The following TAC4 variants were observed in gnomAD, a reference collection of about 807,000 sequenced individuals.
TAC4 encodes tachykinin precursor 4.
In TAC4, 17 loss-of-function variants were observed where a neutral mutation model predicts 17.7. That is an observed-to-expected ratio of 0.96 (90% CI 0.66 to 1.44). TAC4 has a LOEUF of 1.44. Among genes scored for constraint, TAC4 ranks in the 40% most tolerant of loss-of-function variants. The pLI is 0.00. For missense variants in TAC4, 118 were observed against 125.6 expected (o/e 0.94, Z 0.29); for synonymous variants, 62 against 52.4 (o/e 1.18, Z -0.79).
intron 2 of TAC4, 144 bp downstream of exon 2, chr17:49,843,920 T>A (rs2074516543): frequency 7.0e-6 from 5 of 709,648 alleles, no homozygotes; most frequent in Non-Finnish European, 1.3e-5. Flanking sequence ...ATGGACAGTC[T>A]GTGCCACCCC....
intron 4 of TAC4, among the ~76,000 whole-genome samples, chr17:49,838,994 T>A (rs144563837): frequency 4.8e-4 from 73 of 152,298 alleles, no homozygotes; most frequent in African/African-American, 1.6e-3. Flanking sequence ...GGCTCTGTTA[T>A]CGGCTCACTG....
Position 49,848,020 on chromosome 17 carries a change from T to C in TAC4, c.-3A>G. On this transcript the variant is annotated 5_prime_UTR_variant, in exon 1 of 5. Transcript: ENST00000436235. ...AGCAGGGCGAGGCAAGGCAGCATGGTGAGCCTGCACTGTCCTGGAATCTCT... is the reference window on the plus strand; with the variant it reads ...AGCAGGGCGAGGCAAGGCAGCATGGCGAGCCTGCACTGTCCTGGAATCTCT... 6.2e-7 allele frequency: 1 copy of C among 1,614,024 alleles called. No homozygotes were observed. The highest frequency in any genetic ancestry group is 1.7e-5 in the Admixed American group (1 of 60,020).
chr17:49,846,916 C>T, intron 1 of TAC4: 3 of 1,266,246 alleles, frequency 2.4e-6, no homozygotes, highest in Non-Finnish European at 3.1e-6. Context: ...GGTCACTTCC[C>T]TCCTCCGTTT....
intron 4 of TAC4, among the ~76,000 whole-genome samples, 195 bp downstream of exon 4, chr17:49,839,655 G>A (rs971681265): frequency 1.6e-4 from 24 of 152,224 alleles, no homozygotes; most frequent in South Asian, 4.1e-4. Flanking sequence ...TGGGGAGGGT[G>A]CAGCTTCTGG....
intron 3 of TAC4, 69 bp from the exon 4 acceptor site, chr17:49,839,978 AGG>A: frequency 1.3e-6 from 2 of 1,504,692 alleles, no homozygotes; most frequent in East Asian, 4.5e-5. Flanking sequence ...GAACCAGGGA[AGG>A]ACAAAGGACA....
intron 1 of TAC4, chr17:49,847,102 C>T (rs532695191): frequency 2.2e-5 from 29 of 1,289,902 alleles, no homozygotes; most frequent in East Asian, 5.5e-5. Flanking sequence ...TAAGCGCCTC[C>T]GAGGACCTCA....
rs745877799 is a variant in TAC4, at chr17:49,841,551, C to G, written c.232+1G>C. 3 of 1,582,918 alleles carry G rather than the reference C, an allele frequency of 1.9e-6. No individual in the cohort carries two copies. Among genetic ancestry groups the G allele is most frequent in the Non-Finnish European group, 2.6e-6 (3 of 1,165,484 alleles). ...TGAAGGCAGGTTTGGGCAATACTTA[C>G]CTTTTTTTCTCCTTGGCTGGATCAG... On this transcript the variant is annotated splice_donor_variant, in intron 3 of 4. Transcript: ENST00000436235. LOFTEE classifies it high-confidence loss of function.
At chr17:49,844,438 C>A (rs1446638186) in intron 1 of TAC4, among the ~76,000 whole-genome samples, 1 of 151,924 alleles carries the variant, frequency 6.6e-6, no homozygotes, top group Non-Finnish European at 1.5e-5. Flanking sequence ...TGTCATTTTA[C>A]ACATGAAAAC....
chr17:49,847,190 T>C lies in TAC4; in HGVS notation c.105+723A>G, dbSNP rs1490654529. On this transcript the variant is annotated intron_variant, in intron 1 of 4. Transcript: ENST00000436235. ...GAATGGGAGGAGTCAGGCCCAGCCTTGTCCTGTCTGCCCCCCTGGAAGCCT... is the reference window on the plus strand; with the variant it reads ...GAATGGGAGGAGTCAGGCCCAGCCTCGTCCTGTCTGCCCCCCTGGAAGCCT... The C allele has an allele frequency of 2.3e-6, 3 of 1,290,164 alleles. No homozygotes were observed. The South Asian group carries it at 3.7e-5, about 16-fold the overall frequency. The allele number at this position is 1,290,164 out of a possible 1,614,324, so 79.9% of individuals were successfully genotyped here.
At position 49,838,938 on chromosome 17, in the gene TAC4, A is replaced by G. The variant is rs560940519; in HGVS notation, c.293-265T>C. 3.9e-5 allele frequency among the ~76,000 whole-genome samples: 6 copies of G among 152,216 alleles called. No individual in the cohort carries two copies. The South Asian group carries it at 8.3e-4, about 21-fold the overall frequency. ...AAGGCTATCCAAGAGTCCTGGGAAC[A>G]TGGCGGGTGACATGGACTAGGAAGC... On this transcript the variant is annotated intron_variant, in intron 4 of 4. Transcript: ENST00000436235.
chr17:49,843,987 A>T, intron 2 of TAC4, 77 bp downstream of exon 2: 1 of 1,389,098 alleles, frequency 7.2e-7, no homozygotes, highest in Non-Finnish European at 1.0e-6. Flanking sequence ...CTGGGCTTTG[A>T]CTTAGGGCCT....
At chr17:49,847,326 A>G in intron 1 of TAC4, 1 of 1,185,360 alleles carries the variant, frequency 8.4e-7, no homozygotes, top group Non-Finnish European at 1.1e-6. Context: ...CCCCAATCAG[A>G]TTGTCAGGCA....
intron 2 of TAC4, among the ~76,000 whole-genome samples, chr17:49,842,666 C>T (rs1281958050): frequency 6.6e-6 from 1 of 152,028 alleles, no homozygotes; most frequent in African/African-American, 2.4e-5. Flanking sequence ...CAAAAGCAGT[C>T]CTTGAATACA....
chr17:49,845,988 T>A (rs2074535341), intron 1 of TAC4: 1 of 239,940 alleles, frequency 4.2e-6, no homozygotes, highest in Non-Finnish European at 8.3e-6. Flanking sequence ...GAAAAGCTCA[T>A]GAAAACCACT....
At chr17:49,842,252 C>T (rs566137018) in intron 2 of TAC4, among the ~76,000 whole-genome samples, 32 of 151,878 alleles carry the variant, frequency 2.1e-4, no homozygotes, top group African/African-American at 6.0e-4. Context: ...TGAAATGGGC[C>T]GGGCGCGTTG....
At chr17:49,838,737 A>G (rs1364860832) in intron 4 of TAC4, 64 bp from the exon 5 acceptor site, 5 of 1,565,518 alleles carry the variant, frequency 3.2e-6, no homozygotes, top group Non-Finnish European at 3.5e-6. Flanking sequence ...CTCCACCCTT[A>G]GAAGTCTTCC....
chr17:49,839,732 T>C (rs2074482673), intron 4 of TAC4, 118 bp downstream of exon 4: 2 of 941,140 alleles, frequency 2.1e-6, no homozygotes, highest in East Asian at 5.4e-5. Context: ...GGCCTCCCCA[T>C]GATGGCTTGT....
chr17:49,847,680 C>G (rs1442609859), intron 1 of TAC4: 12 of 521,464 alleles, frequency 2.3e-5, no homozygotes, highest in South Asian at 4.1e-5. Flanking sequence ...TACACACACA[C>G]ACACACACAC....
intron 1 of TAC4, 120 bp downstream of exon 1, chr17:49,847,793 G>A (rs139106299): frequency 1.3e-6 from 2 of 1,562,224 alleles, no homozygotes; most frequent in East Asian, 4.5e-5. Context: ...CAGACAACTT[G>A]CCTTGCAGAC....
Sources: gnomAD v4.1 joint callset for allele counts (sites outside exome capture counted in the v4.1 genomes callset) on GRCh38, gnomAD v4.1.1 for gene constraint, MANE v1.5 for transcripts, NCBI Gene and HGNC (gene_info 2026-07-23, HGNC 2026-07-21) for gene names.